Variants in SERPINA6 observed in about 807,000 individuals in gnomAD.
SERPINA6 encodes corticosteroid-binding globulin.
Under a neutral mutation model 26.4 loss-of-function variants are expected in SERPINA6, and 19 were observed. The ratio of observed to expected loss-of-function variants is 0.72; its 90% CI spans 0.50 to 1.06. The LOEUF is 1.06. Among genes scored for constraint, SERPINA6 ranks in the 50% least tolerant of loss-of-function variants. The pLI is 0.00. For synonymous variants in SERPINA6, 196 were observed against 199.4 expected (o/e 0.98, Z 0.14); for missense variants, 473 against 504.0 (o/e 0.94, Z 0.59).
chr14:94,313,605 A>T (rs1179659777), intron 2 of SERPINA6, among the ~76,000 whole-genome samples: 2 of 152,194 alleles, frequency 1.3e-5, no homozygotes, highest in Non-Finnish European at 2.9e-5. Context: ...GAACAGGAAG[A>T]TTGAAAAACT....
At chr14:94,307,527 A>G (rs1291790461) in intron 3 of SERPINA6, among the ~76,000 whole-genome samples, 1 of 152,226 alleles carries the variant, frequency 6.6e-6, no homozygotes, top group African/African-American at 2.4e-5. Flanking sequence ...AGAAAGATAG[A>G]TAGTCCTTCC....
chr14:94,309,923 T>C lies in SERPINA6; in HGVS notation c.697A>G (p.Met233Val), dbSNP rs777769941. The change falls in exon 3 of 5, where the codon ATG (methionine) becomes GTG (valine). Residue 233 changes from methionine to valine, a missense_variant. Met to Val is a conservative substitution (Grantham distance 21, BLOSUM62 1). Transcript: ENST00000341584. ...VDETTVVKVP[M>V]MLQSSTISYL... ...CTGATGGTGCTCGACTGCAACATCA[T>C]GGGCACCTTCACCACAGTTGTCTCG... 2.5e-6 allele frequency: 4 copies of C among 1,614,046 alleles called. No individual in the cohort carries two copies. The highest frequency in any genetic ancestry group is 3.3e-5 in the Admixed American group (2 of 60,012).
At chr14:94,304,726 A>T (rs1233218917) in intron 4 of SERPINA6, 123 bp from the exon 5 acceptor site, 1 of 807,870 alleles carries the variant, frequency 1.2e-6, no homozygotes, top group Non-Finnish European at 2.0e-6. Flanking sequence ...AGAGAAGGTC[A>T]CTTGCTGGAT....
chr14:94,317,487 G>A (rs545493505), intron 1 of SERPINA6, among the ~76,000 whole-genome samples: 3 of 152,280 alleles, frequency 2.0e-5, no homozygotes, highest in East Asian at 1.9e-4. Flanking sequence ...CTCCTGATCC[G>A]ATGTGGTAAT....
At chr14:94,315,814 C>A (rs912033899) in intron 1 of SERPINA6, among the ~76,000 whole-genome samples, 2 of 152,132 alleles carry the variant, frequency 1.3e-5, no homozygotes, top group East Asian at 3.8e-4. Context: ...TCTTCATTTC[C>A]TATATTACTG....
At chr14:94,307,797 C>T (rs531577006) in intron 3 of SERPINA6, among the ~76,000 whole-genome samples, 2 of 152,334 alleles carry the variant, frequency 1.3e-5, no homozygotes, top group African/African-American at 4.8e-5. Flanking sequence ...AAACACAGGG[C>T]TGACTACATG....
chr14:94,312,829 A>G (rs1895551073), intron 2 of SERPINA6, among the ~76,000 whole-genome samples: 2 of 150,950 alleles, frequency 1.3e-5, no homozygotes, highest in Middle Eastern at 3.4e-3. Context: ...AGGTCCTGAG[A>G]GAGAGCTGGG....
In SERPINA6 at chr14:94,306,311, C is replaced by T. The variant is rs929866404; in HGVS notation, c.885-93G>A. Reference sequence around the variant, plus strand: ...TCTTCTCCTGGCCAGACTCTTATTTCCTCATGCGCTCCCTCCAGCTCCTGC... The same window carrying T: ...TCTTCTCCTGGCCAGACTCTTATTTTCTCATGCGCTCCCTCCAGCTCCTGC... On this transcript the variant is annotated intron_variant, in intron 3 of 4. Transcript: ENST00000341584. The T allele has an allele frequency of 8.8e-6, 12 of 1,357,290 alleles. No individual in the cohort carries two copies. In the South Asian group the frequency reaches 1.2e-4, roughly 14 times the overall value. 84.1% of individuals were successfully genotyped at this position (1,357,290 alleles called of 1,614,324 possible).
rs1895575578 is a variant in SERPINA6, at chr14:94,314,188, T to G, written c.461A>C (p.Glu154Ala). 3.1e-6 allele frequency: 5 copies of G among 1,614,134 alleles called. No individual in the cohort carries two copies. Among genetic ancestry groups the G allele is most frequent in the Non-Finnish European group, 4.2e-6 (5 of 1,180,060 alleles). ...SADIKHYYES[E>A]VLAMNFQDWA... ...GTCCTGGAAATTCATAGCCAAGACC[T>G]CTGACTCATAGTAGTGCTTGATGTC... Residue 154 changes from glutamate to alanine, a missense_variant, in exon 2 of 5, where the codon GAG becomes GCG. Transcript: ENST00000341584.
At chr14:94,313,881 A>G (rs1188461014) in intron 2 of SERPINA6, 155 bp downstream of exon 2, 1 of 864,052 alleles carries the variant, frequency 1.2e-6, no homozygotes, top group South Asian at 1.3e-5. Context: ...ATATAATTCC[A>G]CCTACCCAGC....
intron 1 of SERPINA6, 38 bp from the exon 2 acceptor site, chr14:94,314,705 T>C: frequency 1.3e-6 from 2 of 1,595,242 alleles, no homozygotes; most frequent in East Asian, 2.2e-5. Context: ...GCTGTGGCAG[T>C]CTCTGAGTCA....
chr14:94,304,647 G>A (rs189735275), intron 4 of SERPINA6, 44 bp from the exon 5 acceptor site: 43 of 1,544,284 alleles, frequency 2.8e-5, no homozygotes, highest in Middle Eastern at 1.8e-4. Context: ...CCTGCTGTGC[G>A]TTCTCGCTTT....
chr14:94,312,311 C>T (rs1337072865), intron 2 of SERPINA6, among the ~76,000 whole-genome samples: 3 of 152,184 alleles, frequency 2.0e-5, no homozygotes, highest in Non-Finnish European at 4.4e-5. Flanking sequence ...GCACCCGTTC[C>T]ACCAACACCC....
chr14:94,317,577 A>G (rs1262993563), intron 1 of SERPINA6, among the ~76,000 whole-genome samples: 1 of 152,194 alleles, frequency 6.6e-6, no homozygotes, highest in African/African-American at 2.4e-5. Context: ...TTTTCACCCA[A>G]TAAATTCCAT....
At chr14:94,317,673 G>T (rs1895630617) in intron 1 of SERPINA6, among the ~76,000 whole-genome samples, 1 of 152,164 alleles carries the variant, frequency 6.6e-6, no homozygotes, top group Admixed American at 6.5e-5. Flanking sequence ...TAAGTAGAAA[G>T]TCCTACAACA....
intron 2 of SERPINA6, among the ~76,000 whole-genome samples, chr14:94,313,465 A>G (rs147516572): frequency 1.3e-5 from 2 of 152,332 alleles, no homozygotes; most frequent in African/African-American, 2.4e-5. Flanking sequence ...GAGAGATGTG[A>G]TGAGGGAAGC....
chr14:94,322,760 A>G (rs1895701220), intron 1 of SERPINA6, among the ~76,000 whole-genome samples: 1 of 152,188 alleles, frequency 6.6e-6, no homozygotes, highest in Non-Finnish European at 1.5e-5. Flanking sequence ...TCTGTGCATT[A>G]TCTCTGCCCC....
At chr14:94,313,963 G>A (rs1895570662) in intron 2 of SERPINA6, 73 bp downstream of exon 2, 1 of 1,537,432 alleles carries the variant, frequency 6.5e-7, no homozygotes, top group African/African-American at 1.4e-5. Context: ...GCCCAAGAGT[G>A]TGCCCTGGAT....
In SERPINA6 at chr14:94,310,016, G is replaced by A. The variant is rs1366930261; in HGVS notation, c.614-10C>T. 1 of 1,613,934 alleles carries A rather than the reference G, an allele frequency of 6.2e-7. No individual in the cohort carries two copies. The highest frequency in any genetic ancestry group is 1.7e-5 in the Admixed American group (1 of 60,008). ...GGCTGTGTCCATGTGCCTAGGAAGA[G>A]GAGGAGACAGGTCTGTAGGGCAGAG... On this transcript the variant is annotated splice_polypyrimidine_tract_variant and intron_variant, in intron 2 of 4. Coordinates refer to ENST00000341584, the MANE Select transcript of SERPINA6 (RefSeq NM_001756.4).
Sources: allele counts gnomAD v4.1 joint callset (sites outside exome capture counted in the v4.1 genomes callset), GRCh38; gene constraint gnomAD v4.1.1; transcripts MANE v1.5; gene names NCBI Gene and HGNC (gene_info 2026-07-23, HGNC 2026-07-21).